USP9X: variants seen among roughly 807,000 people sequenced by gnomAD.
USP9X encodes the protein ubiquitin specific peptidase 9 X-linked, also known as ubiquitin carboxyl-terminal hydrolase 9X.
A neutral mutation model predicts 190.3 loss-of-function variants in USP9X; 7 were observed. The observed-to-expected ratio is 0.04, with a 90% CI of 0.02 to 0.07. The LOEUF is 0.07. Ranked by LOEUF, USP9X falls within the 10% of genes least tolerant of loss-of-function variation. The pLI, the probability that USP9X is intolerant of heterozygous loss-of-function variation, is 1.00. For synonymous variants in USP9X, 645 were observed against 659.5 expected (o/e 0.98, Z 0.34); for missense variants, 1,010 against 1,916.9 (o/e 0.53, Z 8.83).
chrX:41,090,927 G>A (rs1452423908), intron 1 of USP9X, among the ~76,000 whole-genome samples: 1 of 110,561 alleles, frequency 9.0e-6, no homozygotes, highest in Admixed American at 9.6e-5. Flanking sequence ...TCGGTGTTAC[G>A]GTTCCAGCTC....
chrX:41,215,196 A>T (rs986599036), intron 34 of USP9X, among the ~76,000 whole-genome samples: 1 of 112,964 alleles, frequency 8.9e-6, no homozygotes, highest in Non-Finnish European at 1.9e-5. Flanking sequence ...TTTATCACCT[A>T]TGTTATAAAA....
rs974123041 is a variant in USP9X, at chrX:41,086,010, T to G, written c.-258T>G. The G allele has an allele frequency of 6.4e-5, 19 of 296,285 alleles. No homozygotes were observed. The Admixed American group carries it at 1.0e-3, about 16-fold the overall frequency. 24.4% of individuals were successfully genotyped at this position (296,285 alleles called of 1,213,427 possible). ...TTGCCGGTCACCCCCGGGCCTGGGA[T>G]GCACCCAGGGTAGGTCTCGTCCCGG... is the stretch of plus-strand genomic sequence containing the variant. On this transcript the variant is annotated 5_prime_UTR_variant, in exon 1 of 45. An upstream start codon of the reference 5' UTR is lost. Coordinates refer to ENST00000378308, the MANE Select transcript of USP9X (RefSeq NM_001039591.3).
chrX:41,122,280 C>T (rs1034295202), intron 1 of USP9X, among the ~76,000 whole-genome samples: 24 of 111,314 alleles, frequency 2.2e-4, no homozygotes, highest in African/African-American at 7.9e-4. Flanking sequence ...TGTATGCGTG[C>T]ACCCCTGATG....
intron 43 of USP9X, among the ~76,000 whole-genome samples, 165 bp from the exon 44 acceptor site, chrX:41,230,336 G>T (rs866534364): frequency 1.9e-4 from 18 of 95,825 alleles, no homozygotes; most frequent in Admixed American, 8.0e-4. Flanking sequence ...TTTTTGTTTT[G>T]TTTTTTTTTT....
intron 14 of USP9X, among the ~76,000 whole-genome samples, chrX:41,153,588 T>G (rs2062549444): frequency 1.8e-5 from 2 of 112,337 alleles, no homozygotes; most frequent in Non-Finnish European, 3.8e-5. Flanking sequence ...TTGAACATGT[T>G]TAGGATAAAG....
chrX:41,222,004 GA>G (rs745855897), intron 38 of USP9X, among the ~76,000 whole-genome samples: 1 of 111,416 alleles, frequency 9.0e-6, no homozygotes, highest in African/African-American at 3.3e-5. Flanking sequence ...ACTGTGAGTG[GA>G]TAGTGGTACC....
At position 41,170,628 on chromosome X, in the gene USP9X, A is replaced by G. The variant is rs372599126; in HGVS notation, c.3027+9A>G. ...GCTGTTTGCCTGGAGTGGTGAGTAG[A>G]TACAGTTTTGAACTACTGTATGTAA... On this transcript the variant is annotated intron_variant, in intron 20 of 44. Transcript: ENST00000378308. The G allele has an allele frequency of 1.2e-5, 14 of 1,206,169 alleles. No individual in the cohort carries two copies. Among genetic ancestry groups the G allele is most frequent in the Non-Finnish European group, 1.5e-5 (13 of 892,349 alleles).
chrX:41,161,635 C>CTTTTTTTTTTTTTTTTT lies in USP9X; in HGVS notation c.1898-1148_1898-1132dup, dbSNP rs759623425. Among the ~76,000 whole-genome samples, 197 of 47,400 alleles carry CTTTTTTTTTTTTTTTTT rather than the reference C, an allele frequency of 4.2e-3. 27 individuals carry two copies. The highest frequency in any genetic ancestry group is 0.018 in the African/African-American group (166 of 9,173). The allele number at this position is 47,400 out of a possible 115,157, so 41.2% of individuals were successfully genotyped here. A position where few individuals can be genotyped will look rare whatever the true frequency, so the allele number is the denominator to read the frequency against. ...ACAGGCGTGAGCCATGGCGCCCTGC[C>CTTTTTTTTTTTTTTTTT]TTTTTTTTTTTTTTTTTTTTTTTAA... On this transcript the variant is annotated intron_variant, in intron 14 of 44. Coordinates refer to ENST00000378308, the MANE Select transcript of USP9X (RefSeq NM_001039591.3).
At chrX:41,188,613 C>T (rs2062903547) in intron 25 of USP9X, among the ~76,000 whole-genome samples, 2 of 111,461 alleles carry the variant, frequency 1.8e-5, no homozygotes, top group African/African-American at 6.5e-5. Context: ...TGTACCTGCC[C>T]CTGATGCTAC....
intron 2 of USP9X, among the ~76,000 whole-genome samples, chrX:41,128,270 T>A (rs2062274025): frequency 1.8e-5 from 2 of 112,188 alleles, no homozygotes; most frequent in Non-Finnish European, 3.8e-5. Context: ...GAATAATTTC[T>A]GTCATGGCTT....
At chrX:41,231,252 A>G (rs922695797) in intron 44 of USP9X, among the ~76,000 whole-genome samples, 1 of 111,420 alleles carries the variant, frequency 9.0e-6, no homozygotes, top group Non-Finnish European at 1.9e-5. Flanking sequence ...GTCTTATTTC[A>G]TAGGTCTTCA....
chrX:41,198,118 CTG>C (rs76646650), intron 29 of USP9X, among the ~76,000 whole-genome samples: 23,244 of 111,762 alleles, frequency 0.21, 2,210 homozygotes, highest in Non-Finnish European at 0.29. Context: ...AGGCAAACCT[CTG>C]TTTTGTAAGA....
In USP9X at chrX:41,198,750, A is replaced by G. The variant is rs1433127597; in HGVS notation, c.4603A>G (p.Thr1535Ala). The G allele has an allele frequency of 8.5e-7, 1 of 1,176,159 alleles. No homozygotes were observed. The highest frequency in any genetic ancestry group is 1.8e-5 in the African/African-American group (1 of 56,794). The change falls in exon 30 of 45, where the codon ACT becomes GCT. Residue 1535 changes from threonine to alanine, a missense_variant and splice_region_variant. Coordinates refer to ENST00000378308, the MANE Select transcript of USP9X (RefSeq NM_001039591.3). ...EMYYIGTAIT[T>A]CEALTEWEYL... Reference sequence around the variant, plus strand: ...GTATTACATTGGCACAGCAATAACTAGTAAGTATTTTTAATAGAATGTGAT... The same window carrying G: ...GTATTACATTGGCACAGCAATAACTGGTAAGTATTTTTAATAGAATGTGAT...
chrX:41,159,921 G>A lies in USP9X; in HGVS notation c.1898-2869G>A, dbSNP rs1040144356. On this transcript the variant is annotated intron_variant, in intron 14 of 44. Transcript: ENST00000378308. The stretch of plus-strand genomic sequence containing the variant: ...GTTTCTTCTTGGGGTGAGGAAAAAT[G>A]TAGACTTAGATTGTGATGATGATTA... 3.6e-5 allele frequency among the ~76,000 whole-genome samples: 4 copies of A among 111,297 alleles called. No individual in the cohort carries two copies. In the East Asian group the frequency reaches 8.4e-4, roughly 24 times the overall value.
intron 24 of USP9X, among the ~76,000 whole-genome samples, chrX:41,186,908 C>T (rs1204681038): frequency 1.8e-5 from 2 of 109,098 alleles, no homozygotes; most frequent in African/African-American, 6.7e-5. Context: ...CTCACTGCAA[C>T]CTCCACCTCC....
At chrX:41,118,891 G>A (rs948244557) in intron 1 of USP9X, among the ~76,000 whole-genome samples, 3 of 111,365 alleles carry the variant, frequency 2.7e-5, no homozygotes, top group South Asian at 3.7e-4. Context: ...AGAAGTGGAC[G>A]GGAAACCTGG....
chrX:41,127,624 C>T (rs1403252111), intron 2 of USP9X, among the ~76,000 whole-genome samples: 2 of 111,891 alleles, frequency 1.8e-5, no homozygotes, highest in Admixed American at 1.9e-4. Context: ...GCCTTGAGAC[C>T]AGCTCTGTGA....
intron 14 of USP9X, among the ~76,000 whole-genome samples, chrX:41,153,962 TGAG>T (rs1025914801): frequency 2.7e-5 from 3 of 112,342 alleles, no homozygotes; most frequent in African/African-American, 9.7e-5. Context: ...ACTCATTATT[TGAG>T]GAGTAGGCTT....
intron 14 of USP9X, among the ~76,000 whole-genome samples, chrX:41,154,727 G>A (rs2062561419): frequency 8.9e-6 from 1 of 111,767 alleles, no homozygotes; most frequent in African/African-American, 3.3e-5. Context: ...TTAGCTGTAT[G>A]ACTGTGGGCA....
Sources: gnomAD v4.1 joint callset for allele counts (sites outside exome capture counted in the v4.1 genomes callset) on GRCh38, gnomAD v4.1.1 for gene constraint, MANE v1.5 for transcripts, NCBI Gene and HGNC (gene_info 2026-07-23, HGNC 2026-07-21) for gene names.